SUN1: variants seen among roughly 807,000 people sequenced by gnomAD.
SUN1 encodes the protein Sad1 and UNC84 domain containing 1.
In SUN1, 61 loss-of-function variants were observed where a neutral mutation model predicts 103.2. The ratio of observed to expected loss-of-function variants is 0.59; its 90% confidence interval spans 0.48 to 0.73. SUN1 has a LOEUF of 0.73. Ranked by LOEUF, SUN1 falls within the 30% of genes least tolerant of loss-of-function variation. The pLI is 0.00. For synonymous variants in SUN1, 490 were observed against 425.7 expected (o/e 1.15, Z -1.86); for missense variants, 1,052 against 1,034.6 (o/e 1.02, Z -0.23).
upstream of SUN1, among the ~76,000 whole-genome samples, chr7:827,528 G>T (rs1793541955): frequency 6.8e-6 from 1 of 147,844 alleles, no homozygotes; most frequent in Non-Finnish European, 1.5e-5. Context: ...GGGGTGCAGT[G>T]GCGCAATCTC....
At chr7:868,534 G>C (rs530202071) in intron 16 of SUN1, 32 of 258,900 alleles carry the variant, frequency 1.2e-4, no homozygotes, top group South Asian at 1.1e-3. Context: ...GTCGGATGGG[G>C]GGGCAGTGCT....
chr7:838,023 G>C (rs527561320), intron 1 of SUN1, among the ~76,000 whole-genome samples: 2 of 152,348 alleles, frequency 1.3e-5, no homozygotes, highest in African/African-American at 4.8e-5. Context: ...TAAATTGTGT[G>C]TAGTGACTCA....
chr7:831,845 G>C (rs1035842168), upstream of SUN1: 1 of 162,894 alleles, frequency 6.1e-6, no homozygotes, highest in Non-Finnish European at 1.3e-5. Context: ...GAAAGTCAGG[G>C]TGTGTGCATG....
At chr7:867,719 G>A (rs956144228) in intron 16 of SUN1, among the ~76,000 whole-genome samples, 4 of 152,240 alleles carry the variant, frequency 2.6e-5, no homozygotes, top group Non-Finnish European at 5.9e-5. Flanking sequence ...AATGTTTACA[G>A]AACATAGGGA....
Position 866,128 on chromosome 7 carries a change from G to A in SUN1, c.1980+61G>A, listed in dbSNP as rs545797632. Reference sequence around the variant, plus strand: ...CAGCATGGACTCGGTTAGTGTTCACGGGTCGTAGGTCCACAGCTCCATGGA... The same window carrying A: ...CAGCATGGACTCGGTTAGTGTTCACAGGTCGTAGGTCCACAGCTCCATGGA... On this transcript the variant is annotated intron_variant, in intron 16 of 18. Transcript: ENST00000401592. 3.7e-5 allele frequency: 53 copies of A among 1,430,836 alleles called. No homozygotes were observed. In the South Asian group the frequency reaches 5.3e-4, roughly 14 times the overall value. The allele number at this position is 1,430,836 out of a possible 1,614,324, so 88.6% of individuals were successfully genotyped here.
At chr7:853,089 T>C in intron 9 of SUN1, 137 bp downstream of exon 9, 4 of 1,182,324 alleles carry the variant, frequency 3.4e-6, no homozygotes, top group Non-Finnish European at 4.6e-6. Flanking sequence ...TAAGCAAGTC[T>C]TTGGAGCTCC....
At chr7:848,578 A>G (rs757753216) in intron 5 of SUN1, 1 of 1,350,756 alleles carries the variant, frequency 7.4e-7, no homozygotes, top group Admixed American at 2.1e-5. Flanking sequence ...AAGATTGTGA[A>G]TCCGAAAGCT....
At chr7:855,560 G>A (rs1826344395) in intron 11 of SUN1, among the ~76,000 whole-genome samples, 1 of 152,210 alleles carries the variant, frequency 6.6e-6, no homozygotes, top group Non-Finnish European at 1.5e-5. Context: ...GTGCGTGTGT[G>A]TATTGAACTA....
At position 851,587 on chromosome 7, in the gene SUN1, T is replaced by C. The variant is rs1170368950; in HGVS notation, c.757+105T>C. On this transcript the variant is annotated intron_variant, in intron 6 of 18. Coordinates refer to ENST00000401592, the MANE Select transcript of SUN1 (RefSeq NM_001130965.3). ...AGTAAAAATCTCATTTAGGCTCTCATGCTTTGACCCTTGGCGTAACGTGTC... is the reference window on the plus strand; with the variant it reads ...AGTAAAAATCTCATTTAGGCTCTCACGCTTTGACCCTTGGCGTAACGTGTC... The C allele has an allele frequency of 1.7e-5, 17 of 998,162 alleles. No individual in the cohort carries two copies. In the East Asian group the frequency reaches 3.4e-4, roughly 20 times the overall value. 61.8% of individuals were successfully genotyped at this position (998,162 alleles called of 1,614,324 possible).
intron 17 of SUN1, among the ~76,000 whole-genome samples, chr7:872,073 C>T (rs1842111526): frequency 6.6e-6 from 1 of 152,212 alleles, no homozygotes; most frequent in Non-Finnish European, 1.5e-5. Flanking sequence ...GTGGCCCCTC[C>T]TCCTGCTGGT....
At position 839,002 on chromosome 7, in the gene SUN1, C is replaced by G. The variant is rs374487494; in HGVS notation, c.266+16C>G. On this transcript the variant is annotated intron_variant, in intron 2 of 18. Coordinates refer to ENST00000401592, the MANE Select transcript of SUN1 (RefSeq NM_001130965.3). Reference sequence around the variant, plus strand: ...GAGCGGCCAGGTGAGCACCGCTGCACTTCCTCTCCATCTGATCTCTAACAC... The same window carrying G: ...GAGCGGCCAGGTGAGCACCGCTGCAGTTCCTCTCCATCTGATCTCTAACAC... 1 of 1,531,498 alleles carries G rather than the reference C, an allele frequency of 6.5e-7. No individual in the cohort carries two copies. 94.9% of individuals were successfully genotyped at this position (1,531,498 alleles called of 1,614,324 possible).
At chr7:826,542 A>G (rs912039437) in intron 1 of SUN1, among the ~76,000 whole-genome samples, 2 of 152,142 alleles carry the variant, frequency 1.3e-5, no homozygotes, top group African/African-American at 2.4e-5. Context: ...CTTGTGGCAG[A>G]TGGCGCTCTG....
intron 1 of SUN1, among the ~76,000 whole-genome samples, chr7:837,303 C>T (rs867610642): frequency 1.2e-4 from 19 of 152,186 alleles, no homozygotes; most frequent in Admixed American, 7.2e-4. Context: ...GTCTGAAGCA[C>T]GTCAGTCTCA....
rs1562628779 is a variant in SUN1 at position 843,473 on chromosome 7, C to T, written c.611C>T (p.Ala204Val). Residue 204 changes from alanine (A) to valine (V), a missense_variant, in exon 5 of 19, where the codon GCC becomes GTC. Coordinates refer to ENST00000401592, the MANE Select transcript of SUN1 (RefSeq NM_001130965.3). ...RKDVLTAHPAAPGPVSRVYSR... is the reference protein window; with the variant it reads ...RKDVLTAHPAVPGPVSRVYSR... ...GACGTGCTCACGGCGCACCCCGCGG[C>T]CCCCGGGCCCGTGTCGAGAGTTTAT... The T allele has an allele frequency of 6.2e-7, 1 of 1,613,992 alleles. No individual in the cohort carries two copies. The highest frequency in any genetic ancestry group is 1.1e-5 in the South Asian group (1 of 91,076).
intron 2 of SUN1, among the ~76,000 whole-genome samples, chr7:840,108 G>A (rs991106727): frequency 2.6e-5 from 4 of 152,210 alleles, no homozygotes; most frequent in African/African-American, 4.8e-5. Flanking sequence ...CGAGAAGGAA[G>A]ACGGTGGCTG....
chr7:866,910 A>G (rs1481852828), intron 16 of SUN1, among the ~76,000 whole-genome samples: 1 of 151,852 alleles, frequency 6.6e-6, no homozygotes, highest in Non-Finnish European at 1.5e-5. Context: ...TTAAAGCACT[A>G]AAGGATGGAG....
At chr7:871,905 CCAGT>C in intron 17 of SUN1, among the ~76,000 whole-genome samples, 1 of 152,336 alleles carries the variant, frequency 6.6e-6, no homozygotes, top group East Asian at 1.9e-4. Context: ...GGCGTTAAGC[CCAGT>C]CACACTGTTG....
upstream of SUN1, among the ~76,000 whole-genome samples, chr7:828,054 C>T (rs1794270566): frequency 6.6e-6 from 1 of 151,872 alleles, no homozygotes; most frequent in East Asian, 1.9e-4. Flanking sequence ...CAAGCACGCA[C>T]CACCACACCC....
chr7:835,366 C>G (rs1262661424), intron 1 of SUN1, among the ~76,000 whole-genome samples: 2 of 152,258 alleles, frequency 1.3e-5, no homozygotes, highest in Non-Finnish European at 2.9e-5. Flanking sequence ...AAGCCAGTCT[C>G]TAAAAGATAA....
Sources: gnomAD v4.1 joint callset for allele counts (sites outside exome capture counted in the v4.1 genomes callset) on GRCh38, gnomAD v4.1.1 for gene constraint, MANE v1.5 for transcripts, NCBI Gene and HGNC (gene_info 2026-07-23, HGNC 2026-07-21) for gene names.